The following CLVS1 variants were observed in gnomAD, a reference collection of about 807,000 sequenced individuals.
CLVS1 encodes the protein clavesin-1.
CLVS1 carries 10 observed loss-of-function variants against 33.1 expected under a neutral mutation model. The ratio of observed to expected loss-of-function variants is 0.30; its 90% CI spans 0.19 to 0.51. The LOEUF (loss-of-function observed/expected upper bound fraction) is 0.51. Ranked by LOEUF, CLVS1 falls within the 20% of genes least tolerant of loss-of-function variation. The pLI is 0.97. For missense variants in CLVS1, 343 were observed against 433.4 expected, an observed-to-expected ratio of 0.79 and a Z score of 1.85; for synonymous variants, 163 against 166.1, an observed-to-expected ratio of 0.98 and a Z score of 0.14.
At chr8:61,476,363 G>A (rs894111013) in intron 5 of CLVS1, among the ~76,000 whole-genome samples, 82 of 152,174 alleles carry the variant, frequency 5.4e-4, no homozygotes, top group African/African-American at 1.5e-3. Flanking sequence ...TGGGGATGGC[G>A]TTGAATCTGT....
chr8:61,473,360 A>G (rs1189541907), intron 5 of CLVS1, among the ~76,000 whole-genome samples: 2 of 151,698 alleles, frequency 1.3e-5, no homozygotes, highest in African/African-American at 2.4e-5. Flanking sequence ...AAAAAAAAAA[A>G]AAAAGACCAG....
At chr8:61,270,240 T>A (rs1809406724) in intron 2 of CLVS1, among the ~76,000 whole-genome samples, 1 of 152,218 alleles carries the variant, frequency 6.6e-6, no homozygotes, top group Non-Finnish European at 1.5e-5. Flanking sequence ...TTGAATTTTG[T>A]CAAAGGCTTT....
At chr8:61,229,058 T>C (rs565473659) in intron 2 of CLVS1, among the ~76,000 whole-genome samples, 2 of 152,292 alleles carry the variant, frequency 1.3e-5, no homozygotes, top group South Asian at 4.1e-4. Context: ...TCCCAACACT[T>C]ACCTTACATC....
At chr8:61,248,922 C>A (rs1808875979) in intron 2 of CLVS1, among the ~76,000 whole-genome samples, 3 of 151,754 alleles carry the variant, frequency 2.0e-5, no homozygotes, top group East Asian at 3.9e-4. Context: ...AAATGCACTT[C>A]TTTTTTTTAT....
chr8:60,983,877 G>T, the CLVS1 span, among the ~76,000 whole-genome samples: 3 of 152,284 alleles, frequency 2.0e-5, no homozygotes, highest in African/African-American at 7.2e-5. Context: ...CTTTTGGGCA[G>T]GTCTTCCTTT....
chr8:61,115,430 G>C (rs907297973), intron 1 of CLVS1, among the ~76,000 whole-genome samples: 9 of 150,914 alleles, frequency 6.0e-5, no homozygotes, highest in African/African-American at 2.2e-4. Context: ...CATTGTGCAG[G>C]TTAGTTACAT....
chr8:61,102,081 C>T (rs1805460984), intron 1 of CLVS1, among the ~76,000 whole-genome samples: 1 of 151,986 alleles, frequency 6.6e-6, no homozygotes, highest in Non-Finnish European at 1.5e-5. Context: ...TTCTGAGTCC[C>T]TTGAATTTTC....
chr8:61,069,604 G>A (rs975681683), intron 1 of CLVS1, among the ~76,000 whole-genome samples: 4 of 152,082 alleles, frequency 2.6e-5, no homozygotes, highest in Non-Finnish European at 4.4e-5. Flanking sequence ...CTTGCCTTGT[G>A]TTTCTGCTTC....
chr8:61,467,045 A>C (rs1190805813), intron 5 of CLVS1, among the ~76,000 whole-genome samples: 2 of 152,220 alleles, frequency 1.3e-5, no homozygotes, highest in Non-Finnish European at 2.9e-5. Flanking sequence ...GTCTTCAAAT[A>C]TATGTATCTG....
chr8:61,222,535 G>A (rs1343911307), intron 2 of CLVS1, among the ~76,000 whole-genome samples: 1 of 152,230 alleles, frequency 6.6e-6, no homozygotes, highest in Non-Finnish European at 1.5e-5. Context: ...ACTGTGGTCT[G>A]AGAGACTGCT....
At chr8:61,268,165 C>A (rs1266745161) in intron 2 of CLVS1, among the ~76,000 whole-genome samples, 1 of 127,682 alleles carries the variant, frequency 7.8e-6, no homozygotes, top group South Asian at 3.1e-4. Context: ...ATCCCACCCC[C>A]CTCCCCCCAC....
At chr8:61,149,572 A>AAAAAAAAAAAAAAAC (rs1563421480) in intron 2 of CLVS1, among the ~76,000 whole-genome samples, 2 of 149,908 alleles carry the variant, frequency 1.3e-5, no homozygotes, top group African/African-American at 2.5e-5. Flanking sequence ...AAAAAAACAA[A>AAAAAAAAAAAAAAAC]AAACAAAACA....
At chr8:61,248,567 C>T (rs1808865962) in intron 2 of CLVS1, among the ~76,000 whole-genome samples, 1 of 151,632 alleles carries the variant, frequency 6.6e-6, no homozygotes, top group Non-Finnish European at 1.5e-5. Context: ...ATGGGATTGC[C>T]TTTCTGATTG....
At chr8:61,012,836 T>C in the CLVS1 span, among the ~76,000 whole-genome samples, 1 of 152,196 alleles carries the variant, frequency 6.6e-6, no homozygotes, top group Non-Finnish European at 1.5e-5. Context: ...GGAGGCATTA[T>C]TACTTTGCAA....
At chr8:61,450,061 A>G (rs1228115498) in intron 3 of CLVS1, among the ~76,000 whole-genome samples, 2 of 152,154 alleles carry the variant, frequency 1.3e-5, no homozygotes, top group Non-Finnish European at 1.5e-5. Flanking sequence ...TCAAGAGGAC[A>G]CCTTTTTGCT....
intron 2 of CLVS1, among the ~76,000 whole-genome samples, chr8:61,323,959 C>T (rs191294130): frequency 6.6e-6 from 1 of 152,248 alleles, no homozygotes; most frequent in Non-Finnish European, 1.5e-5. Flanking sequence ...TGTGTCCCTG[C>T]AAAGGACATG....
chr8:61,182,918 C>G (rs1157880754), intron 2 of CLVS1, among the ~76,000 whole-genome samples: 3 of 152,060 alleles, frequency 2.0e-5, no homozygotes, highest in Non-Finnish European at 4.4e-5. Context: ...CAATGATAGA[C>G]TGGATAAAAA....
intron 1 of CLVS1, among the ~76,000 whole-genome samples, chr8:61,060,902 T>C (rs1804571280): frequency 6.6e-6 from 1 of 152,198 alleles, no homozygotes; most frequent in South Asian, 2.1e-4. Flanking sequence ...CTGCCTTTCA[T>C]GGGAGCAGCT....
chr8:61,245,672 T>C lies in CLVS1; in HGVS notation c.-151-54005T>C, dbSNP rs181650583. On this transcript the variant is annotated intron_variant, in intron 2 of 2. Transcript: ENST00000522621. ...CCTCTATCCTGTTTCATTATATATA[T>C]GAATGGATATATATATACATATATA... Among the ~76,000 whole-genome samples, 613 of 151,604 alleles carry C rather than the reference T, an allele frequency of 4.0e-3. 5 individuals are homozygous for C. Among genetic ancestry groups the C allele is most frequent in the African/African-American group, 0.014 (566 of 41,444 alleles).
Sources: gnomAD v4.1 joint callset for allele counts (sites outside exome capture counted in the v4.1 genomes callset) on GRCh38, gnomAD v4.1.1 for gene constraint, MANE v1.5 for transcripts, NCBI Gene and HGNC (gene_info 2026-07-23, HGNC 2026-07-21) for gene names.